Variants in NRAP observed in about 807,000 individuals in gnomAD.
NRAP encodes nebulin related anchoring protein, also known as nebulin-related-anchoring protein.
A neutral mutation model predicts 225.9 loss-of-function variants in NRAP; 189 were observed. The observed-to-expected ratio is 0.84, with a 90% CI of 0.74 to 0.94. The LOEUF (loss-of-function observed/expected upper bound fraction) is 0.94, where lower values mean the gene tolerates loss of function less well. Among genes scored for constraint, NRAP ranks in the 40% least tolerant of loss-of-function variants. NRAP has a pLI of 0.00. For missense variants in NRAP, 2,176 were observed against 2,168.7 expected (o/e 1.00, Z -0.07); for synonymous variants, 769 against 790.7 (o/e 0.97, Z 0.46).
intron 18 of NRAP, 98 bp downstream of exon 18, chr10:113,631,411 C>A: frequency 1.5e-6 from 1 of 673,806 alleles, no homozygotes; most frequent in Non-Finnish European, 2.6e-6. Flanking sequence ...AGGTAGAAGT[C>A]AATAAAAAGG....
In NRAP at chr10:113,610,877, T is replaced by C. The variant is rs1014874496; in HGVS notation, c.3499-314A>G. 7.9e-5 allele frequency among the ~76,000 whole-genome samples: 12 copies of C among 152,362 alleles called. No homozygotes were observed. In the South Asian group the frequency reaches 1.0e-3, roughly 13 times the overall value. ...TCAAAAAATAAACACTGAAGCGGAT[T>C]GTGGTTAGAAAGTCAGTTGTCTTGG... On this transcript the variant is annotated intron_variant, in intron 30 of 41. Transcript: ENST00000359988.
In NRAP at chr10:113,646,987, C is replaced by T. The variant is rs750386838; in HGVS notation, c.929G>A (p.Ser310Asn). ...TGCTGGAGTGATCATAGCTGGGAAG[C>T]TGCCCTTTCCCCTGTGCTCCTCATA... is the stretch of plus-strand genomic sequence containing the variant. ...EEYEEHRGKGSFPAMITPAYQ... is the reference protein window; with the variant it reads ...EEYEEHRGKGNFPAMITPAYQ... The change falls in exon 10 of 42, where the codon AGC becomes AAC. Residue 310 changes from serine (S) to asparagine (N), a missense_variant. Coordinates refer to ENST00000359988, the MANE Select transcript of NRAP (RefSeq NM_198060.4). The T allele has an allele frequency of 1.9e-6, 3 of 1,613,974 alleles. No homozygotes were observed. Among genetic ancestry groups the T allele is most frequent in the Non-Finnish European group, 2.5e-6 (3 of 1,179,966 alleles).
chr10:113,612,013 G>A (rs551689158), intron 30 of NRAP, among the ~76,000 whole-genome samples: 2 of 152,314 alleles, frequency 1.3e-5, no homozygotes, highest in South Asian at 2.1e-4. Flanking sequence ...ATAAAACAAT[G>A]CTTAGAGTGC....
rs150153791 is a variant in NRAP at position 113,615,625 on chromosome 10, G to T, written c.3078+87C>A. 71 of 766,926 alleles carry T rather than the reference G, an allele frequency of 9.3e-5. No homozygotes were observed. In the African/African-American group the frequency reaches 1.2e-3, roughly 13 times the overall value. 47.5% of individuals were successfully genotyped at this position (766,926 alleles called of 1,614,324 possible). A position where few individuals can be genotyped will look rare whatever the true frequency, so the allele number is the denominator to read the frequency against. ...GGCAGAACATGAAACCAGCTCAGGG[G>T]CTTCTGAGCACAGGGCATTGTGTGC... On this transcript the variant is annotated intron_variant, in intron 27 of 41. Transcript: ENST00000359988.
Position 113,626,047 on chromosome 10 carries a change from C to T in NRAP, c.2244G>A (p.Gly748=). Residue 748 remains glycine (G), a splice_region_variant and synonymous_variant, in exon 21 of 42, where the codon GGG becomes GGA. Coordinates refer to ENST00000359988, the MANE Select transcript of NRAP (RefSeq NM_198060.4). The part of the protein sequence containing the change: ...HAKKSQELQS[G]VAYKAGNEQS... ...GGAGAAAGGGCAGCCCAGGACTCACCCCGCTCTGTAGCTCCTGGCTCTTCT... is the reference window on the plus strand; with the variant it reads ...GGAGAAAGGGCAGCCCAGGACTCACTCCGCTCTGTAGCTCCTGGCTCTTCT... 1 of 1,607,372 alleles carries T rather than the reference C, an allele frequency of 6.2e-7. No homozygotes were observed. The highest frequency in any genetic ancestry group is 1.1e-5 in the South Asian group (1 of 89,862).
chr10:113,590,082 ACT>A (rs1486840699), intron 40 of NRAP, among the ~76,000 whole-genome samples: 1 of 151,882 alleles, frequency 6.6e-6, no homozygotes, highest in Non-Finnish European at 1.5e-5. Flanking sequence ...TGCTCCACAC[ACT>A]CTGTGGCCTT....
intron 5 of NRAP, 49 bp from the exon 6 acceptor site, chr10:113,653,088 G>T: frequency 9.7e-7 from 1 of 1,026,266 alleles, no homozygotes; most frequent in South Asian, 1.5e-5. Context: ...GATATTGAAT[G>T]ACAACTAAGA....
intron 11 of NRAP, 48 bp from the exon 12 acceptor site, chr10:113,643,086 A>G: frequency 1.1e-6 from 1 of 924,322 alleles, no homozygotes; most frequent in South Asian, 1.4e-5. Flanking sequence ...ATCCGAAGTC[A>G]CTCTTGAAAA....
chr10:113,590,633 T>G lies in NRAP; in HGVS notation c.4901A>C (p.Asp1634Ala). The change falls in exon 40 of 42, where the codon GAC (aspartate) becomes GCC (alanine). Residue 1634 changes from aspartate (D) to alanine (A), a missense_variant. Physicochemically the swap from Asp to Ala is moderately radical, Grantham distance 126 (BLOSUM62 -2). Coordinates refer to ENST00000359988, the MANE Select transcript of NRAP (RefSeq NM_198060.4). ...YRQPLPQPTC[D>A]PEQLGLRHAQ... ...ATGCCTGAGGCCCAGCTGCTCCGGG[T>G]CGCAGGTGGGCTGGGGCAGGGGCTG... 6.2e-7 allele frequency: 1 copy of G among 1,613,844 alleles called. No individual in the cohort carries two copies. Among genetic ancestry groups the G allele is most frequent in the Non-Finnish European group, 8.5e-7 (1 of 1,179,966 alleles).
chr10:113,650,576 C>G, intron 7 of NRAP, 31 bp from the exon 8 acceptor site: 1 of 1,401,448 alleles, frequency 7.1e-7, no homozygotes, highest in Non-Finnish European at 1.0e-6. Context: ...AATCACATGC[C>G]CCATGTTTAT....
At chr10:113,658,232 C>G (rs1485567885) in intron 3 of NRAP, among the ~76,000 whole-genome samples, 1 of 152,176 alleles carries the variant, frequency 6.6e-6, no homozygotes. Flanking sequence ...TGTGCCAATT[C>G]TATGCTGAGT....
intron 4 of NRAP, 146 bp from the exon 5 acceptor site, chr10:113,654,271 T>C: frequency 1.7e-6 from 1 of 574,738 alleles, no homozygotes. Context: ...TGTTCATTTA[T>C]TTCAGGCTAG....
At position 113,590,599 on chromosome 10, in the gene NRAP, C is replaced by T. The variant is rs756481978; in HGVS notation, c.4935G>A (p.Lys1645=). The part of the protein sequence containing the change: ...PEQLGLRHAQ[K]AHQLQSDVKY... ...TCACATCACTCTGCAGCTGGTGGGC[C>T]TTCTGAGCATGCCTGAGGCCCAGCT... Residue 1645 remains lysine, a synonymous_variant, in exon 40 of 42, where the codon AAG becomes AAA. Transcript: ENST00000359988. 1.2e-6 allele frequency: 2 copies of T among 1,612,390 alleles called. No homozygotes were observed. The highest frequency in any genetic ancestry group is 4.5e-5 in the East Asian group (2 of 44,878).
intron 35 of NRAP, among the ~76,000 whole-genome samples, chr10:113,601,078 G>A (rs1406171878): frequency 2.0e-5 from 3 of 152,218 alleles, no homozygotes; most frequent in Non-Finnish European, 4.4e-5. Flanking sequence ...GGCAACAGCC[G>A]ACTTGAGAAG....
intron 31 of NRAP, among the ~76,000 whole-genome samples, chr10:113,608,882 G>A (rs1335925907): frequency 6.6e-6 from 1 of 152,216 alleles, no homozygotes; most frequent in African/African-American, 2.4e-5. Flanking sequence ...AGACATGCCA[G>A]GCATAGTGGC....
At position 113,631,957 on chromosome 10, in the gene NRAP, T is replaced by C. The variant is rs777827722; in HGVS notation, c.1640A>G (p.Tyr547Cys). The change falls in exon 17 of 42, where the codon TAT becomes TGT. Residue 547 changes from tyrosine to cysteine, a missense_variant. Physicochemically the swap from Tyr to Cys is radical, Grantham distance 194 (BLOSUM62 -2). Around this residue, in one of 3 missense-constraint regions of NRAP, gnomAD observed 1,708 missense variants for 1,695.5 expected, o/e 1.01. Transcript: ENST00000359988. ...TNAKLFSEVKYKEGWEKTKGK... is the reference protein window; with the variant it reads ...TNAKLFSEVKCKEGWEKTKGK... ...CTTTGTCTTCTCCCAGCCTTCTTTA[T>C]ACTTAACCTGACAAACAAAACCACA... is the stretch of plus-strand genomic sequence containing the variant. 5.0e-6 allele frequency: 8 copies of C among 1,598,242 alleles called. No homozygotes were observed. The highest frequency in any genetic ancestry group is 1.1e-5 in the South Asian group (1 of 90,646).
rs755018333 is a variant in NRAP, at chr10:113,588,897, G to A, written c.*78C>T. 1.1e-4 allele frequency: 130 copies of A among 1,160,414 alleles called. No individual in the cohort carries two copies. The highest frequency in any genetic ancestry group is 6.3e-4 in the South Asian group (48 of 76,374). The allele number at this position is 1,160,414 out of a possible 1,614,324, so 71.9% of individuals were successfully genotyped here. ...GGCTGGTGGGCCATTCCAGCTTGCC[G>A]AAATCAAAGCCATCTGAAGCCTGTC... On this transcript the variant is annotated 3_prime_UTR_variant, in exon 42 of 42. Transcript: ENST00000359988.
intron 10 of NRAP, 55 bp downstream of exon 10, chr10:113,646,868 T>C: frequency 1.7e-6 from 2 of 1,204,694 alleles, no homozygotes; most frequent in Non-Finnish European, 2.5e-6. Context: ...AGCACAGCCT[T>C]CAAAGTCTCA....
intron 38 of NRAP, among the ~76,000 whole-genome samples, chr10:113,593,942 G>A (rs4918859): frequency 0.16 from 24,905 of 152,214 alleles, 2,355 homozygotes; most frequent in Non-Finnish European, 0.22. Flanking sequence ...GGCCCAGATC[G>A]GGGGTCTCCC....
Sources: allele counts gnomAD v4.1 joint callset (sites outside exome capture counted in the v4.1 genomes callset), GRCh38; gene constraint gnomAD v4.1.1; regional missense constraint gnomAD v4.1.1; transcripts MANE v1.5; gene names NCBI Gene and HGNC (gene_info 2026-07-23, HGNC 2026-07-21).